Variants in ASPRV1 observed in about 807,000 individuals in gnomAD.
ASPRV1 encodes aspartic peptidase retroviral like 1.
ASPRV1 carries 7 observed loss-of-function variants against 11.0 expected under a neutral mutation model. The observed-to-expected ratio is 0.64, with a 90% CI of 0.36 to 1.20. The LOEUF (loss-of-function observed/expected upper bound fraction) is 1.20. ASPRV1 is among the 50% of genes most tolerant of loss of function. ASPRV1 has a pLI of 0.02. For missense variants in ASPRV1, 299 were observed against 320.0 expected (o/e 0.93, Z 0.50); for synonymous variants, 136 against 138.4 (o/e 0.98, Z 0.12).
chr2:70,004,068 C>T, the ASPRV1 span, among the ~76,000 whole-genome samples: 1 of 152,050 alleles, frequency 6.6e-6, no homozygotes, highest in Non-Finnish European at 1.5e-5. Context: ...GAGAGGAATC[C>T]CACACTGGCT....
the ASPRV1 span, among the ~76,000 whole-genome samples, chr2:70,069,889 A>G: frequency 1.3e-5 from 2 of 152,180 alleles, no homozygotes. Flanking sequence ...GGGAAGCAAT[A>G]AAACAACCTT....
At chr2:69,991,780 A>G in the ASPRV1 span, among the ~76,000 whole-genome samples, 1 of 152,178 alleles carries the variant, frequency 6.6e-6, no homozygotes, top group African/African-American at 2.4e-5. Context: ...TCCCGACCTC[A>G]GGCAATCCGC....
At chr2:70,022,240 C>A in the ASPRV1 span, among the ~76,000 whole-genome samples, 1 of 151,716 alleles carries the variant, frequency 6.6e-6, no homozygotes, top group Non-Finnish European at 1.5e-5. Flanking sequence ...TGGTCTCAAT[C>A]TCCTGACCTC....
downstream of ASPRV1, among the ~76,000 whole-genome samples, chr2:69,955,840 GGA>G (rs1558579365): frequency 6.6e-6 from 1 of 152,056 alleles, no homozygotes; most frequent in Non-Finnish European, 1.5e-5. Flanking sequence ...ATAGAGAGAG[GGA>G]GAGAGAGAAA....
chr2:69,962,375 C>A, upstream of ASPRV1: 1 of 153,872 alleles, frequency 6.5e-6, no homozygotes. Context: ...CCCTATCCAC[C>A]CCTCTCCATT....
chr2:70,083,095 G>A, the ASPRV1 span, among the ~76,000 whole-genome samples: 1 of 152,096 alleles, frequency 6.6e-6, no homozygotes, highest in Admixed American at 6.6e-5. Flanking sequence ...CAAGAGTTAG[G>A]AACTTAAGGT....
chr2:69,973,174 T>C, the ASPRV1 span, among the ~76,000 whole-genome samples: 4 of 152,188 alleles, frequency 2.6e-5, no homozygotes, highest in Admixed American at 6.5e-5. Flanking sequence ...AAAAAATATA[T>C]ACTACTCTTT....
At chr2:69,966,161 C>T (rs1180529256), upstream of ASPRV1, among the ~76,000 whole-genome samples, 1 of 152,230 alleles carries the variant, frequency 6.6e-6, no homozygotes, top group Non-Finnish European at 1.5e-5. Context: ...AGGCCAGGAC[C>T]AACCAAGAGT....
chr2:69,936,392 G>A, the ASPRV1 span, among the ~76,000 whole-genome samples: 2 of 152,130 alleles, frequency 1.3e-5, no homozygotes, highest in Admixed American at 1.3e-4. Flanking sequence ...CTAGGGTATC[G>A]GGCACAGAGT....
chr2:69,950,634 G>T, the ASPRV1 span, among the ~76,000 whole-genome samples: 1 of 152,016 alleles, frequency 6.6e-6, no homozygotes, highest in Non-Finnish European at 1.5e-5. Context: ...TTGAGGTCAG[G>T]GGTTCCAGAC....
chr2:70,034,521 G>A, the ASPRV1 span, among the ~76,000 whole-genome samples: 1 of 151,504 alleles, frequency 6.6e-6, no homozygotes, highest in Non-Finnish European at 1.5e-5. Flanking sequence ...CACTAAGCAG[G>A]GATTGCGCCA....
chr2:69,973,380 C>T, the ASPRV1 span, among the ~76,000 whole-genome samples: 1 of 152,058 alleles, frequency 6.6e-6, no homozygotes, highest in Non-Finnish European at 1.5e-5. Flanking sequence ...TGGAACTTCA[C>T]TTGTTGTTTT....
At chr2:70,041,338 C>T in the ASPRV1 span, among the ~76,000 whole-genome samples, 5 of 152,208 alleles carry the variant, frequency 3.3e-5, no homozygotes, top group Non-Finnish European at 5.9e-5. Context: ...AAGTAACTGG[C>T]TTGCTCTTTG....
the ASPRV1 span, among the ~76,000 whole-genome samples, chr2:70,035,519 T>C: frequency 6.6e-6 from 1 of 151,856 alleles, no homozygotes; most frequent in East Asian, 1.9e-4. Flanking sequence ...CTCATTTACT[T>C]GACCATCATT....
chr2:70,061,704 C>T, the ASPRV1 span, among the ~76,000 whole-genome samples: 1 of 152,176 alleles, frequency 6.6e-6, no homozygotes, highest in Non-Finnish European at 1.5e-5. Flanking sequence ...CCTGTAATCC[C>T]AGCACTTTGG....
the ASPRV1 span, among the ~76,000 whole-genome samples, chr2:70,057,012 T>C: frequency 1.3e-5 from 2 of 151,834 alleles, no homozygotes; most frequent in Admixed American, 6.6e-5. Flanking sequence ...GCTAGGATTA[T>C]AGGCGTGAGC....
the ASPRV1 span, among the ~76,000 whole-genome samples, chr2:70,014,310 T>C: frequency 6.6e-6 from 1 of 151,988 alleles, no homozygotes; most frequent in African/African-American, 2.4e-5. Flanking sequence ...AATTTAAATA[T>C]TCCACAACAG....
At chr2:69,984,095 G>C in the ASPRV1 span, among the ~76,000 whole-genome samples, 1 of 152,032 alleles carries the variant, frequency 6.6e-6, no homozygotes, top group African/African-American at 2.4e-5. Context: ...CTGGAGTGCA[G>C]TGGTGCAATC....
At chr2:70,024,768 A>G in the ASPRV1 span, among the ~76,000 whole-genome samples, 3 of 151,668 alleles carry the variant, frequency 2.0e-5, no homozygotes, top group Non-Finnish European at 2.9e-5. Context: ...CCCTACCCCA[A>G]CCTCCTGAAA....
Sources: allele counts gnomAD v4.1 joint callset (sites outside exome capture counted in the v4.1 genomes callset), GRCh38; gene constraint gnomAD v4.1.1; transcripts MANE v1.5; gene names NCBI Gene and HGNC (gene_info 2026-07-23, HGNC 2026-07-21).